JAK2: variants seen among roughly 807,000 people sequenced by gnomAD.
JAK2 encodes tyrosine-protein kinase JAK2.
A neutral mutation model predicts 139.3 loss-of-function variants in JAK2; 86 were observed. That is an observed-to-expected ratio of 0.62 (90% CI 0.52 to 0.74). The LOEUF (loss-of-function observed/expected upper bound fraction) is 0.74, where lower values mean the gene tolerates loss of function less well. Among genes scored for constraint, JAK2 ranks in the 30% least tolerant of loss-of-function variants. The pLI, the probability that JAK2 is intolerant of heterozygous loss-of-function variation, is 0.00. For synonymous variants in JAK2, 490 were observed against 437.7 expected (o/e 1.12, Z -1.49); for missense variants, 1,421 against 1,360.3 (o/e 1.04, Z -0.70).
At chr9:4,988,498 G>C (rs1382318239) in intron 2 of JAK2, among the ~76,000 whole-genome samples, 1 of 152,112 alleles carries the variant, frequency 6.6e-6, no homozygotes, top group Non-Finnish European at 1.5e-5. Context: ...TATTTCTTTT[G>C]GCCTGGGGGT....
At chr9:5,105,948 A>T (rs1215856160) in intron 22 of JAK2, among the ~76,000 whole-genome samples, 1 of 152,224 alleles carries the variant, frequency 6.6e-6, no homozygotes, top group Non-Finnish European at 1.5e-5. Flanking sequence ...TAGACTTAAA[A>T]CCATAAAAGC....
At position 5,107,480 on chromosome 9, in the gene JAK2, C is replaced by G. The variant is rs1822059156; in HGVS notation, c.3060-15524C>G. Reference sequence around the variant, plus strand: ...GCTATTCAAACAAATTACCTAACAACAATAATCACCACAGCCCTTATACTA... The same window carrying G: ...GCTATTCAAACAAATTACCTAACAAGAATAATCACCACAGCCCTTATACTA... On this transcript the variant is annotated intron_variant, in intron 22 of 24. Transcript: ENST00000381652. 2.0e-5 allele frequency among the ~76,000 whole-genome samples: 3 copies of G among 152,036 alleles called. No individual in the cohort carries two copies. The South Asian group carries it at 6.2e-4, about 31-fold the overall frequency.
intron 3 of JAK2, among the ~76,000 whole-genome samples, chr9:5,024,255 CAAAA>C (rs776552118): frequency 2.6e-5 from 4 of 151,288 alleles, no homozygotes; most frequent in Admixed American, 6.6e-5. Context: ...GACTCCATCT[CAAAA>C]AAAAATTTTT....
chr9:5,111,358 AC>A (rs138377711), intron 22 of JAK2: 110,493 of 408,206 alleles, frequency 0.27, 15,741 homozygotes, highest in Admixed American at 0.3. Flanking sequence ...TCCCGGTACT[AC>A]CCCTCCTACG....
At chr9:5,086,442 T>C (rs972844546) in intron 19 of JAK2, among the ~76,000 whole-genome samples, 1 of 152,248 alleles carries the variant, frequency 6.6e-6, no homozygotes, top group Admixed American at 6.5e-5. Context: ...ATTATCAGCA[T>C]CATTCTCAAT....
intron 13 of JAK2, among the ~76,000 whole-genome samples, chr9:5,073,084 A>G (rs1819078800): frequency 6.6e-6 from 1 of 152,236 alleles, no homozygotes; most frequent in Non-Finnish European, 1.5e-5. Context: ...AGAGCTCTGA[A>G]CATAGCAAGA....
chr9:5,071,820 T>A (rs542022957), intron 12 of JAK2, among the ~76,000 whole-genome samples: 2 of 152,274 alleles, frequency 1.3e-5, no homozygotes, highest in African/African-American at 4.8e-5. Context: ...TAATAAATAG[T>A]AGACCTTGGA....
Position 5,054,630 on chromosome 9 carries a change from C to T in JAK2, c.682C>T (p.Arg228Ter), listed in dbSNP as rs772744665. 9 of 1,612,462 alleles carry T rather than the reference C, an allele frequency of 5.6e-6. No individual in the cohort carries two copies. The highest frequency in any genetic ancestry group is 3.3e-5 in the South Asian group (3 of 90,862). The change falls in exon 7 of 25, where the codon CGA becomes TGA. Residue 228 changes from arginine (R) to a stop codon, truncating the protein, a stop_gained. Transcript: ENST00000381652. LOFTEE classifies it high-confidence loss of function. The surrounding 1 kb of genome is among the most constrained non-coding windows in gnomAD (Gnocchi z 4.9). ...AGACTATCATATTTTGACAAGGAAG[C>T]GAATAAGGTACAGATTTCGCAGATT... Reference protein sequence around the residue: ...IQDYHILTRKRIRYRFRRFIQ... With the variant: ...IQDYHILTRK
intron 3 of JAK2, among the ~76,000 whole-genome samples, chr9:5,023,468 C>G (rs925132601): frequency 9.2e-5 from 14 of 152,122 alleles, no homozygotes; most frequent in African/African-American, 2.9e-4. Flanking sequence ...AACTTCCTCA[C>G]TGGAATAGGA....
At chr9:5,052,706 GTCTC>G (rs1460079031) in intron 6 of JAK2, among the ~76,000 whole-genome samples, 2 of 151,988 alleles carry the variant, frequency 1.3e-5, no homozygotes, top group African/African-American at 4.8e-5. Context: ...GGATTTTCCT[GTCTC>G]AAACATTTCA....
At chr9:5,030,773 C>G (rs1003846547) in intron 4 of JAK2, among the ~76,000 whole-genome samples, 4 of 152,054 alleles carry the variant, frequency 2.6e-5, no homozygotes, top group Non-Finnish European at 4.4e-5. Context: ...TTCTCTTCCC[C>G]TATTCTATAT....
In JAK2 at chr9:5,072,576, A is replaced by G. The variant is rs746807589; in HGVS notation, c.1726A>G (p.Thr576Ala). ...EVGDYGQLHE[T>A]EVLLKVLDKA... ...AGGAGACTACGGTCAACTGCATGAA[A>G]CAGAAGTTCTTTTAAAAGTTCTGGA... is the stretch of plus-strand genomic sequence containing the variant. Residue 576 changes from threonine to alanine, a missense_variant, in exon 13 of 25, where the codon ACA (threonine) becomes GCA (alanine). Physicochemically the swap from Thr to Ala is moderately conservative, Grantham distance 58. Transcript: ENST00000381652. The G allele has an allele frequency of 8.7e-6, 14 of 1,610,644 alleles. No individual in the cohort carries two copies. The highest frequency in any genetic ancestry group is 1.6e-4 in the Middle Eastern group (1 of 6,068).
chr9:5,081,492 ACTT>A (rs769145087), intron 18 of JAK2, among the ~76,000 whole-genome samples: 3 of 152,110 alleles, frequency 2.0e-5, no homozygotes, highest in Non-Finnish European at 4.4e-5. Context: ...GAATACTAAA[ACTT>A]CTTATTTTGG....
At chr9:5,085,452 CT>C in intron 19 of JAK2, 2 of 736,836 alleles carry the variant, frequency 2.7e-6, no homozygotes, top group Admixed American at 1.7e-5. Context: ...TCTTGAAGGT[CT>C]TTTCAAGGTA....
In JAK2 at chr9:5,072,472, T is replaced by G. The variant is rs372654481; in HGVS notation, c.1642-20T>G. ...TCTCCATCTTTACTCATTCTTTTCT[T>G]TTACCTTTTTCTCTTGAAGAATGAA... is the stretch of plus-strand genomic sequence containing the variant. On this transcript the variant is annotated intron_variant, in intron 12 of 24. Transcript: ENST00000381652. 1.6e-5 allele frequency: 24 copies of G among 1,505,584 alleles called. No homozygotes were observed. The highest frequency in any genetic ancestry group is 3.6e-4 in the Middle Eastern group (2 of 5,496). The allele number at this position is 1,505,584 out of a possible 1,614,324, so 93.3% of individuals were successfully genotyped here.
chr9:5,021,140 T>A (rs12346093), intron 2 of JAK2, among the ~76,000 whole-genome samples: 37,869 of 152,068 alleles, frequency 0.25, 5,115 homozygotes, highest in South Asian at 0.32. Context: ...TCTCTAGGCT[T>A]CTGGCTGATC....
intron 4 of JAK2, among the ~76,000 whole-genome samples, chr9:5,036,743 T>TA (rs1300332334): frequency 6.6e-6 from 1 of 152,140 alleles, no homozygotes; most frequent in Non-Finnish European, 1.5e-5. Flanking sequence ...ATGTTAGACC[T>TA]AAAACCATAA....
At chr9:5,013,194 AATAACTT>A (rs1280481731) in intron 2 of JAK2, among the ~76,000 whole-genome samples, 1 of 152,080 alleles carries the variant, frequency 6.6e-6, no homozygotes, top group Non-Finnish European at 1.5e-5. Context: ...CTTTTTTTCT[AATAACTT>A]ATATCTTCTT....
At chr9:5,091,833 G>A (rs1232913878) in intron 22 of JAK2, among the ~76,000 whole-genome samples, 2 of 152,034 alleles carry the variant, frequency 1.3e-5, no homozygotes, top group Admixed American at 1.3e-4. Flanking sequence ...TCTATAATGG[G>A]TACTTTAAGG....
Sources: gnomAD v4.1 joint callset for allele counts (sites outside exome capture counted in the v4.1 genomes callset) on GRCh38, gnomAD v4.1.1 for gene constraint, Gnocchi (gnomAD v3.1) non-coding constraint, MANE v1.5 for transcripts, NCBI Gene and HGNC (gene_info 2026-07-23, HGNC 2026-07-21) for gene names.